MYT1L: variants seen among roughly 807,000 people sequenced by gnomAD.
MYT1L encodes myelin transcription factor 1 like.
A neutral mutation model predicts 126.7 loss-of-function variants in MYT1L; 12 were observed. The ratio of observed to expected loss-of-function variants is 0.09; its 90% CI spans 0.06 to 0.15. MYT1L has a LOEUF of 0.15. MYT1L is among the 10% of genes least tolerant of loss of function. The probability of loss-of-function intolerance (pLI) is 1.00; values close to 1 mark genes in which losing one functional copy is unlikely to be tolerated. For synonymous variants in MYT1L, 541 were observed against 604.2 expected, an observed-to-expected ratio of 0.90 and a Z score of 1.53; for missense variants, 979 against 1,585.2, an observed-to-expected ratio of 0.62 and a Z score of 6.49.
At chr2:2,094,859 A>G (rs970293675) in intron 3 of MYT1L, among the ~76,000 whole-genome samples, 4 of 152,114 alleles carry the variant, frequency 2.6e-5, no homozygotes, top group African/African-American at 9.7e-5. Flanking sequence ...CAACATGGCA[A>G]ATGTATACAT....
chr2:2,196,122 A>G (rs1253605974), intron 2 of MYT1L, among the ~76,000 whole-genome samples: 1 of 143,970 alleles, frequency 6.9e-6, no homozygotes, highest in Non-Finnish European at 1.5e-5. Flanking sequence ...CTGGAAATCA[A>G]ATATCAGGAA....
chr2:2,154,930 C>T (rs2086473635), intron 3 of MYT1L, among the ~76,000 whole-genome samples: 1 of 152,098 alleles, frequency 6.6e-6, no homozygotes, highest in African/African-American at 2.4e-5. Context: ...AGTTCAAGAC[C>T]AGCCTGACCA....
intron 1 of MYT1L, among the ~76,000 whole-genome samples, chr2:2,286,095 G>T (rs2095516105): frequency 6.6e-6 from 1 of 152,152 alleles, no homozygotes; most frequent in South Asian, 2.1e-4. Context: ...TGATACTCCT[G>T]CCTCAGCCTT....
intron 3 of MYT1L, among the ~76,000 whole-genome samples, chr2:2,162,878 T>C (rs1412110024): frequency 6.6e-6 from 1 of 152,210 alleles, no homozygotes; most frequent in African/African-American, 2.4e-5. Context: ...TGACTTCTAC[T>C]TTTATCAGTG....
intron 21 of MYT1L, among the ~76,000 whole-genome samples, chr2:1,837,410 A>G (rs990536736): frequency 1.8e-4 from 27 of 152,262 alleles, no homozygotes; most frequent in African/African-American, 6.5e-4. Context: ...GTTTTTACAA[A>G]ATTTTTAAAC....
rs1462701331 is a variant in MYT1L at position 1,886,603 on chromosome 2, A to G, written c.2647T>C (p.Ser883Pro). The change falls in exon 18 of 25, where the codon TCT becomes CCT. Residue 883 changes from serine to proline, a missense_variant. Ser to Pro is a moderately conservative substitution (Grantham distance 74). Coordinates refer to ENST00000647738, the MANE Select transcript of MYT1L (RefSeq NM_001303052.2). ...KESKKDLITL[S>P]GCPLADKSIR... ...CTTTTGTCCGCCAGGGGGCAGCCAGACAGACTGTAAGACAGGCCGGGACAG... is the reference window on the plus strand; with the variant it reads ...CTTTTGTCCGCCAGGGGGCAGCCAGGCAGACTGTAAGACAGGCCGGGACAG... 1 of 1,581,434 alleles carries G rather than the reference A, an allele frequency of 6.3e-7. No individual in the cohort carries two copies. Among genetic ancestry groups the G allele is most frequent in the South Asian group, 1.2e-5 (1 of 85,518 alleles).
At chr2:2,101,237 CA>C (rs2078032555) in intron 3 of MYT1L, among the ~76,000 whole-genome samples, 1 of 151,900 alleles carries the variant, frequency 6.6e-6, no homozygotes, top group Admixed American at 6.6e-5. Context: ...ACTTTTTTCT[CA>C]CCAATTGGCA....
chr2:2,316,540 C>A (rs535664007), intron 1 of MYT1L, among the ~76,000 whole-genome samples: 2 of 152,200 alleles, frequency 1.3e-5, no homozygotes, highest in Non-Finnish European at 2.9e-5. Flanking sequence ...CCCTGGCCTA[C>A]GTCCTGAGAA....
intron 3 of MYT1L, among the ~76,000 whole-genome samples, chr2:2,066,988 G>A (rs962518413): frequency 5.9e-5 from 9 of 152,186 alleles, no homozygotes; most frequent in African/African-American, 1.9e-4. Context: ...AAACCACATC[G>A]TGATTAGGAA....
At chr2:2,173,637 G>T (rs2090360432) in intron 2 of MYT1L, among the ~76,000 whole-genome samples, 1 of 152,212 alleles carries the variant, frequency 6.6e-6, no homozygotes, top group African/African-American at 2.4e-5. Flanking sequence ...ATCAAAGAGA[G>T]AATTTATTTT....
At chr2:2,314,291 C>A (rs766681546) in intron 1 of MYT1L, among the ~76,000 whole-genome samples, 2 of 152,180 alleles carry the variant, frequency 1.3e-5, no homozygotes, top group Non-Finnish European at 2.9e-5. Context: ...CACTGTGAAT[C>A]ATATACAAAT....
chr2:2,157,829 G>A (rs2086977372), intron 3 of MYT1L, among the ~76,000 whole-genome samples: 2 of 151,954 alleles, frequency 1.3e-5, no homozygotes, highest in African/African-American at 4.8e-5. Context: ...CAGGTCTTTG[G>A]GCTTTTTGGT....
At chr2:2,166,284 C>T (rs2089100220) in intron 3 of MYT1L, among the ~76,000 whole-genome samples, 2 of 152,304 alleles carry the variant, frequency 1.3e-5, no homozygotes, top group South Asian at 2.1e-4. Context: ...ACAGGAAGCC[C>T]TCTTCAAACA....
intron 4 of MYT1L, among the ~76,000 whole-genome samples, chr2:2,006,508 T>C (rs1273754620): frequency 6.6e-6 from 1 of 152,180 alleles, no homozygotes; most frequent in Non-Finnish European, 1.5e-5. Context: ...ATTTGACTTA[T>C]ATCTCCCCAT....
intron 19 of MYT1L, among the ~76,000 whole-genome samples, chr2:1,850,033 A>T (rs983227178): frequency 3.4e-5 from 4 of 118,028 alleles, no homozygotes; most frequent in South Asian, 5.4e-4. Context: ...CGGGGTGGTG[A>T]GGGGGGGGCC....
chr2:2,047,207 G>T (rs999583972), intron 4 of MYT1L, among the ~76,000 whole-genome samples: 1 of 152,076 alleles, frequency 6.6e-6, no homozygotes, highest in African/African-American at 2.4e-5. Flanking sequence ...TTTCATTTCT[G>T]CAGTATCTAT....
intron 3 of MYT1L, among the ~76,000 whole-genome samples, chr2:2,160,045 C>G (rs1482588698): frequency 6.6e-6 from 1 of 152,030 alleles, no homozygotes; most frequent in Admixed American, 6.6e-5. Flanking sequence ...TCAGTTTCCT[C>G]GTCTGCAGAT....
At chr2:2,134,441 C>T (rs1575406121) in intron 3 of MYT1L, among the ~76,000 whole-genome samples, 1 of 152,208 alleles carries the variant, frequency 6.6e-6, no homozygotes. Flanking sequence ...TGCTGAAAAT[C>T]ATACATGCTG....
At chr2:2,037,752 G>A (rs1378410278) in intron 4 of MYT1L, among the ~76,000 whole-genome samples, 10 of 149,236 alleles carry the variant, frequency 6.7e-5, no homozygotes, top group East Asian at 3.9e-4. Flanking sequence ...GCCAGACTCC[G>A]TCTCAAAAAC....
Sources: gnomAD v4.1 joint callset for allele counts (sites outside exome capture counted in the v4.1 genomes callset) on GRCh38, gnomAD v4.1.1 for gene constraint, MANE v1.5 for transcripts, NCBI Gene and HGNC (gene_info 2026-07-23, HGNC 2026-07-21) for gene names.